The following STK40 variants were observed in gnomAD, a reference collection of about 807,000 sequenced individuals.
STK40 encodes the protein serine/threonine kinase 40.
Under a neutral mutation model 47.9 loss-of-function variants are expected in STK40, and 13 were observed. That is an observed-to-expected ratio of 0.27 (90% confidence interval 0.18 to 0.43). STK40 has a LOEUF of 0.43. Ranked by LOEUF, STK40 falls within the 20% of genes least tolerant of loss-of-function variation. STK40 has a pLI of 1.00. For synonymous variants in STK40, 225 were observed against 243.2 expected (o/e 0.93, Z 0.69); for missense variants, 460 against 595.1 (o/e 0.77, Z 2.36).
chr1:36,372,177 A>G lies in STK40; in HGVS notation c.-8-10837T>C, dbSNP rs1295201758. ...TCCCCACAACACACACACACAACAC[A>G]AAATTTTCTAGAAAAAGAAATTGAG... On this transcript the variant is annotated intron_variant, in intron 1 of 10. Transcript: ENST00000373132. 3.9e-5 allele frequency among the ~76,000 whole-genome samples: 6 copies of G among 152,086 alleles called. No individual in the cohort carries two copies. The South Asian group carries it at 1.2e-3, about 32-fold the overall frequency.
chr1:36,356,667 C>T (rs577129582), intron 4 of STK40, among the ~76,000 whole-genome samples: 8 of 152,080 alleles, frequency 5.3e-5, no homozygotes, highest in African/African-American at 9.6e-5. Context: ...CCTCATGATC[C>T]GCCCGCCTTA....
intron 1 of STK40, among the ~76,000 whole-genome samples, 155 bp from the exon 2 acceptor site, chr1:36,361,495 T>C (rs899542837): frequency 1.8e-4 from 28 of 152,274 alleles, no homozygotes; most frequent in African/African-American, 6.3e-4. Context: ...AGGCTCCAAG[T>C]GACAAAGAAC....
At chr1:36,358,170 C>G (rs1175031126) in intron 4 of STK40, 69 bp downstream of exon 4, 12 of 1,481,794 alleles carry the variant, frequency 8.1e-6, no homozygotes, top group Non-Finnish European at 1.1e-5. Flanking sequence ...ATGGCTGTGG[C>G]CCCAGCAAGT....
intron 1 of STK40, among the ~76,000 whole-genome samples, chr1:36,372,194 G>T (rs1422916791): frequency 6.6e-6 from 1 of 151,680 alleles, no homozygotes; most frequent in African/African-American, 2.4e-5. Flanking sequence ...TCTAGAAAAA[G>T]AAATTGAGCC....
At chr1:36,362,710 A>G (rs1557516460) in intron 1 of STK40, 1 of 152,258 alleles carries the variant, frequency 6.6e-6, no homozygotes, top group Admixed American at 6.5e-5. Context: ...TAAGGTACCC[A>G]TGACCTTACC....
chr1:36,378,708 C>T (rs755341059), intron 1 of STK40, among the ~76,000 whole-genome samples: 4 of 152,180 alleles, frequency 2.6e-5, no homozygotes, highest in African/African-American at 9.7e-5. Flanking sequence ...CTGCCCGCCT[C>T]GGCCTCCCGA....
intron 2 of STK40, 66 bp from the exon 3 acceptor site, chr1:36,358,888 C>T (rs1646828855): frequency 5.7e-6 from 9 of 1,590,406 alleles, no homozygotes; most frequent in South Asian, 5.5e-5. Flanking sequence ...CAGGTCACCA[C>T]GTGGTCTTTT....
Position 36,341,906 on chromosome 1 carries a change from G to A in STK40, c.1157C>T (p.Ala386Val), listed in dbSNP as rs1389904784. 9.3e-6 allele frequency: 15 copies of A among 1,613,920 alleles called. 1 individual carries two copies. The South Asian group carries it at 1.4e-4, about 15-fold the overall frequency. Residue 386 changes from alanine (A) to valine (V), a missense_variant, in exon 11 of 11, where the codon GCC becomes GTC. Around this residue, in one of 3 missense-constraint regions of STK40, gnomAD observed 181 missense variants for 218.9 expected, o/e 0.83. Coordinates refer to ENST00000373132, the MANE Select transcript of STK40 (RefSeq NM_001282547.2). ...GTCATGGATGGAGCTCTTCTCCTCGGCCAGCAGCAGCTGCTGACGCATGTA... is the reference window on the plus strand; with the variant it reads ...GTCATGGATGGAGCTCTTCTCCTCGACCAGCAGCAGCTGCTGACGCATGTA... ...ENYMRQQLLL[A>V]EEKSSIHDAR...
At chr1:36,342,303 A>G in intron 10 of STK40, 1 of 354,084 alleles carries the variant, frequency 2.8e-6, no homozygotes, top group Non-Finnish European at 5.4e-6. Flanking sequence ...CTGAGCCCTG[A>G]GGCGGCTAAT....
At chr1:36,343,736 A>G in intron 9 of STK40, 124 bp downstream of exon 9, 1 of 1,435,964 alleles carries the variant, frequency 7.0e-7, no homozygotes, top group Non-Finnish European at 9.2e-7. Flanking sequence ...GTCCATGCAG[A>G]GAATCTGGAA....
chr1:36,385,178 T>C (rs575159444), intron 1 of STK40, among the ~76,000 whole-genome samples: 1 of 152,198 alleles, frequency 6.6e-6, no homozygotes, highest in East Asian at 1.9e-4. Flanking sequence ...CAAGCTCTCC[T>C]TGGAAAAGGC....
intron 7 of STK40, among the ~76,000 whole-genome samples, chr1:36,347,657 CTT>C (rs563558488): frequency 2.9e-5 from 4 of 140,204 alleles, no homozygotes; most frequent in Non-Finnish European, 1.6e-5. Flanking sequence ...TTTTTTTTTT[CTT>C]TTTTTTTTTT....
At position 36,377,911 on chromosome 1, in the gene STK40, G is replaced by A. The variant is rs537368046; in HGVS notation, c.-9+7812C>T. Among the ~76,000 whole-genome samples the A allele has an allele frequency of 2.1e-3, 315 of 152,350 alleles. 2 individuals carry two copies. Among genetic ancestry groups the A allele is most frequent in the African/African-American group, 7.1e-3 (294 of 41,590 alleles). On this transcript the variant is annotated intron_variant, in intron 1 of 10. Transcript: ENST00000373132. ...CTGCCTGCCATGCACTAGGCTGAAC[G>A]TGGTAGAGGCTATAAAGCCCTGTGT...
At chr1:36,384,665 T>C (rs995195237) in intron 1 of STK40, among the ~76,000 whole-genome samples, 2 of 152,224 alleles carry the variant, frequency 1.3e-5, no homozygotes, top group African/African-American at 4.8e-5. Context: ...CACTTGCCTC[T>C]AGGCAAGGAC....
At chr1:36,372,081 G>A (rs998346035) in intron 1 of STK40, among the ~76,000 whole-genome samples, 7 of 152,134 alleles carry the variant, frequency 4.6e-5, no homozygotes, top group African/African-American at 1.4e-4. Context: ...TTTTTGATCC[G>A]CAGTTGGTTG....
intron 1 of STK40, among the ~76,000 whole-genome samples, chr1:36,380,479 C>T (rs1048398086): frequency 1.3e-5 from 2 of 152,282 alleles, no homozygotes; most frequent in Middle Eastern, 6.8e-3. Flanking sequence ...TGGCAGATAT[C>T]AGTCCTTCCT....
At chr1:36,344,088 G>GCCCCCCCCCCC in intron 8 of STK40, 32 bp downstream of exon 8, 1 of 1,575,852 alleles carries the variant, frequency 6.3e-7, no homozygotes, top group Non-Finnish European at 8.6e-7. Flanking sequence ...CAGGCTGGCT[G>GCCCCCCCCCCC]CCCCCCCCAC....
At chr1:36,372,423 C>CAAAAAAAAAAAAAAAAAAA (rs796595993) in intron 1 of STK40, among the ~76,000 whole-genome samples, 1 of 39,608 alleles carries the variant, frequency 2.5e-5, no homozygotes, top group African/African-American at 7.3e-5. Context: ...GACCTTGTCT[C>CAAAAAAAAAAAAAAAAAAA]AAAAAAAAAA....
In STK40 at chr1:36,344,173, G is replaced by A. The variant is rs750980618; in HGVS notation, c.831C>T (p.Ser277=). Residue 277 remains serine, a synonymous_variant, in exon 8 of 11, where the codon AGC becomes AGT. Coordinates refer to ENST00000373132, the MANE Select transcript of STK40 (RefSeq NM_001282547.2). ...TCTTGCGGAAGAGCTCCTGCGGGAT[G>A]CTGTCGTAGAAGGGGAACTGGCCAT... ...MLYGQFPFYD[S]IPQELFRKIK... The A allele has an allele frequency of 6.2e-7, 1 of 1,613,232 alleles. No homozygotes were observed.
Sources: allele counts gnomAD v4.1 joint callset (sites outside exome capture counted in the v4.1 genomes callset), GRCh38; gene constraint gnomAD v4.1.1; regional missense constraint gnomAD v4.1.1; transcripts MANE v1.5; gene names NCBI Gene and HGNC (gene_info 2026-07-23, HGNC 2026-07-21).